The following ANKRD6 variants were observed in gnomAD, a reference collection of about 807,000 sequenced individuals.
The protein encoded by ANKRD6 is ankyrin repeat domain-containing protein 6.
Under a neutral mutation model 82.3 loss-of-function variants are expected in ANKRD6, and 56 were observed. The ratio of observed to expected loss-of-function variants is 0.68; its 90% CI spans 0.55 to 0.85. ANKRD6 has a LOEUF of 0.85. ANKRD6 is among the 40% of genes least tolerant of loss of function. The pLI is 0.00. For missense variants in ANKRD6, 852 were observed against 907.6 expected (o/e 0.94, Z 0.79); for synonymous variants, 347 against 352.1 (o/e 0.99, Z 0.16).
chr6:89,583,783 G>T (rs1207304359), intron 2 of ANKRD6, among the ~76,000 whole-genome samples: 1 of 152,172 alleles, frequency 6.6e-6, no homozygotes, highest in Admixed American at 6.5e-5. Context: ...TTTTCCTCCT[G>T]CCCTCTGTAA....
chr6:89,602,002 A>C (rs1358159408), intron 3 of ANKRD6: 1 of 152,104 alleles, frequency 6.6e-6, no homozygotes, highest in African/African-American at 2.4e-5. Context: ...ATAGAATCCA[A>C]GAAGGCAATG....
At chr6:89,598,389 G>A (rs1206591556) in intron 3 of ANKRD6, 1 of 985,210 alleles carries the variant, frequency 1.0e-6, no homozygotes, top group Admixed American at 6.2e-5. Context: ...ACCACAGAGG[G>A]AAGGTTAGGA....
In ANKRD6 at chr6:89,582,834, C is replaced by A. The variant is rs1423919076; in HGVS notation, c.121-13082C>A. ...GTAAAATCAGCATAACAGCACTTAC[C>A]TCAAGGATATGTGGTGAGGATTATA... On this transcript the variant is annotated intron_variant, in intron 2 of 15. Coordinates refer to ENST00000339746, the MANE Select transcript of ANKRD6 (RefSeq NM_001242809.2). Among the ~76,000 whole-genome samples the A allele has an allele frequency of 2.6e-5, 4 of 152,284 alleles. No homozygotes were observed. In the East Asian group the frequency reaches 7.7e-4, roughly 29 times the overall value.
chr6:89,573,599 A>G (rs965714847), intron 2 of ANKRD6, among the ~76,000 whole-genome samples: 1 of 152,194 alleles, frequency 6.6e-6, no homozygotes, highest in Non-Finnish European at 1.5e-5. Flanking sequence ...GATACTGCAC[A>G]TTCTTTGATT....
intron 1 of ANKRD6, among the ~76,000 whole-genome samples, chr6:89,521,286 T>A (rs1781854604): frequency 6.6e-6 from 1 of 151,812 alleles, no homozygotes; most frequent in Admixed American, 6.6e-5. Flanking sequence ...AGGTGCTGAG[T>A]GGATTTACCT....
chr6:89,564,669 G>GT (rs1788087138), intron 1 of ANKRD6, among the ~76,000 whole-genome samples: 1 of 152,032 alleles, frequency 6.6e-6, no homozygotes. Flanking sequence ...CTGTACTGAG[G>GT]TTGCAGCAAA....
intron 2 of ANKRD6, among the ~76,000 whole-genome samples, chr6:89,580,282 A>G (rs1792205084): frequency 6.6e-6 from 1 of 151,890 alleles, no homozygotes; most frequent in Admixed American, 6.6e-5. Context: ...AGGCTGAATA[A>G]GTCCTTTGTA....
chr6:89,529,942 A>G (rs1221538189), intron 1 of ANKRD6, among the ~76,000 whole-genome samples: 6 of 152,212 alleles, frequency 3.9e-5, no homozygotes, highest in Admixed American at 2.0e-4. Flanking sequence ...ACAGAGCGCC[A>G]TAACAAATAT....
At chr6:89,448,374 C>T (rs1582642693) in intron 1 of ANKRD6, among the ~76,000 whole-genome samples, 1 of 150,324 alleles carries the variant, frequency 6.7e-6, no homozygotes, top group African/African-American at 2.5e-5. Context: ...GTTGAGGCTG[C>T]AGTGAGCCAT....
At chr6:89,496,751 T>C (rs551670137) in intron 1 of ANKRD6, among the ~76,000 whole-genome samples, 2 of 152,322 alleles carry the variant, frequency 1.3e-5, no homozygotes, top group Non-Finnish European at 2.9e-5. Context: ...CTCAAACTCC[T>C]GATCTCAGGT....
intron 1 of ANKRD6, among the ~76,000 whole-genome samples, chr6:89,524,771 T>C (rs1028740068): frequency 1.3e-5 from 2 of 152,204 alleles, no homozygotes; most frequent in Non-Finnish European, 2.9e-5. Flanking sequence ...GATCAAATAG[T>C]AGTTCAACTT....
intron 9 of ANKRD6, 40 bp downstream of exon 9, chr6:89,618,071 G>A (rs1230565800): frequency 6.2e-7 from 1 of 1,607,752 alleles, no homozygotes; most frequent in Admixed American, 1.7e-5. Context: ...GATTATGCGG[G>A]ACTACAAAGT....
chr6:89,583,107 G>A (rs1328572458), intron 2 of ANKRD6, among the ~76,000 whole-genome samples: 1 of 152,176 alleles, frequency 6.6e-6, no homozygotes, highest in Non-Finnish European at 1.5e-5. Context: ...TGGGCTTGGG[G>A]ATTTTTCAGA....
At chr6:89,608,665 G>A (rs963647052) in intron 5 of ANKRD6, among the ~76,000 whole-genome samples, 8 of 151,834 alleles carry the variant, frequency 5.3e-5, no homozygotes, top group African/African-American at 1.9e-4. Flanking sequence ...TTTTCCATTG[G>A]TTCATTAGAG....
chr6:89,629,471 A>C, intron 15 of ANKRD6: 1 of 562,774 alleles, frequency 1.8e-6, no homozygotes, highest in Non-Finnish European at 3.2e-6. Flanking sequence ...GAATTAAAGA[A>C]TTGTTGACTG....
intron 1 of ANKRD6, among the ~76,000 whole-genome samples, chr6:89,506,091 G>T (rs1331432830): frequency 1.3e-5 from 2 of 152,138 alleles, no homozygotes; most frequent in African/African-American, 4.8e-5. Flanking sequence ...TAGTCAAAGG[G>T]TATAAACTTT....
intron 10 of ANKRD6, among the ~76,000 whole-genome samples, chr6:89,623,008 GGGGGAGTGGGGGGT>G (rs1187916005): frequency 7.4e-6 from 1 of 134,994 alleles, no homozygotes; most frequent in East Asian, 2.4e-4. Context: ...GGGTTGGGGT[GGGGGAGTGGGGGGT>G]GGGGGGGGCG....
intron 1 of ANKRD6, among the ~76,000 whole-genome samples, chr6:89,527,273 T>C (rs1484370632): frequency 6.6e-6 from 1 of 152,146 alleles, no homozygotes; most frequent in Admixed American, 6.5e-5. Context: ...GGATTATGTC[T>C]AAAAGGACAG....
chr6:89,598,958 T>C (rs1271250670), intron 3 of ANKRD6, among the ~76,000 whole-genome samples: 1 of 152,116 alleles, frequency 6.6e-6, no homozygotes, highest in East Asian at 1.9e-4. Flanking sequence ...TTGGGGTGAG[T>C]GCAAAGAGCC....
Sources: gnomAD v4.1 joint callset for allele counts (sites outside exome capture counted in the v4.1 genomes callset) on GRCh38, gnomAD v4.1.1 for gene constraint, MANE v1.5 for transcripts, NCBI Gene and HGNC (gene_info 2026-07-23, HGNC 2026-07-21) for gene names.